The following DMGDH variants were observed in gnomAD, a reference collection of about 807,000 sequenced individuals.
DMGDH encodes the protein dimethylglycine dehydrogenase.
DMGDH carries 76 observed loss-of-function variants against 95.2 expected under a neutral mutation model. The observed-to-expected ratio is 0.80, with a 90% CI of 0.66 to 0.97. The LOEUF is 0.97. DMGDH is among the 50% of genes least tolerant of loss of function. The pLI is 0.00. For synonymous variants in DMGDH, 345 were observed against 377.6 expected, an observed-to-expected ratio of 0.91 and a Z score of 1.00; for missense variants, 987 against 1,055.0, an observed-to-expected ratio of 0.94 and a Z score of 0.89.
intron 2 of DMGDH, among the ~76,000 whole-genome samples, chr5:79,060,773 G>C (rs1755179918): frequency 6.6e-6 from 1 of 151,860 alleles, no homozygotes; most frequent in African/African-American, 2.4e-5. Flanking sequence ...ACAAAAATTA[G>C]CTGGGTGTGG....
chr5:79,016,136 G>T (rs565034687), intron 14 of DMGDH, among the ~76,000 whole-genome samples: 1 of 152,090 alleles, frequency 6.6e-6, no homozygotes, highest in East Asian at 1.9e-4. Context: ...TACTTGGGAG[G>T]CTGAGGCAGG....
At chr5:79,039,031 T>C (rs551845812) in intron 7 of DMGDH, among the ~76,000 whole-genome samples, 27 of 150,874 alleles carry the variant, frequency 1.8e-4, no homozygotes, top group Admixed American at 2.6e-4. Flanking sequence ...CCAGTTAGAA[T>C]GGCAATCATT....
In DMGDH at chr5:79,044,616, A is replaced by G. The variant is rs1241717173; in HGVS notation, c.746-64T>C. 3 of 1,562,818 alleles carry G rather than the reference A, an allele frequency of 1.9e-6. No homozygotes were observed. The African/African-American group carries it at 4.1e-5, about 21-fold the overall frequency. ...ATAAACACATAACTGACACTCATAT[A>G]GCAATTTATATTAGAATAAAATGTT... is the stretch of plus-strand genomic sequence containing the variant. On this transcript the variant is annotated intron_variant, in intron 5 of 15. Coordinates refer to ENST00000255189, the MANE Select transcript of DMGDH (RefSeq NM_013391.3).
At chr5:79,055,958 A>G in intron 2 of DMGDH, 50 bp from the exon 3 acceptor site, 3 of 1,191,766 alleles carry the variant, frequency 2.5e-6, no homozygotes, top group South Asian at 1.2e-5. Flanking sequence ...AACATTCTCA[A>G]AATGTTGACA....
Position 79,029,953 on chromosome 5 carries a change from C to T in DMGDH, c.1765G>A (p.Gly589Arg). The T allele has an allele frequency of 6.2e-7, 1 of 1,614,038 alleles. No individual in the cohort carries two copies. Among genetic ancestry groups the T allele is most frequent in the Non-Finnish European group, 8.5e-7 (1 of 1,179,964 alleles). The change falls in exon 11 of 16, where the codon GGG (glycine) becomes AGG (arginine). Residue 589 changes from glycine to arginine, a missense_variant. By Grantham distance (125) the Gly-to-Arg change is moderately radical. Coordinates refer to ENST00000255189, the MANE Select transcript of DMGDH (RefSeq NM_013391.3). ...GAGCCAGTAATTAAAAGAAACTCCC[C>T]AGGAGATTGGTGAGAAACAGTCAGC... is the stretch of plus-strand genomic sequence containing the variant. ...AELTVSHQSP[G>R]EFLLITGSGS...
At chr5:79,044,696 T>G (rs1754619447) in intron 5 of DMGDH, 144 bp from the exon 6 acceptor site, 2 of 953,460 alleles carry the variant, frequency 2.1e-6, no homozygotes, top group African/African-American at 1.6e-5. Context: ...CAATCTAAAC[T>G]TTTGTCATTG....
intron 2 of DMGDH, among the ~76,000 whole-genome samples, 177 bp downstream of exon 2, chr5:79,063,436 A>T (rs770940772): frequency 1.3e-5 from 2 of 152,194 alleles, no homozygotes; most frequent in Non-Finnish European, 2.9e-5. Context: ...AGATAAAGAC[A>T]TCATAAATAT....
chr5:79,045,900 A>T (rs546971527), intron 5 of DMGDH, among the ~76,000 whole-genome samples: 1 of 152,270 alleles, frequency 6.6e-6, no homozygotes, highest in African/African-American at 2.4e-5. Context: ...TTGTGTGTGT[A>T]AGTTTATTTC....
Position 79,032,753 on chromosome 5 carries a change from A to C in DMGDH, c.1451T>G (p.Met484Arg). 1 of 1,614,158 alleles carries C rather than the reference A, an allele frequency of 6.2e-7. No individual in the cohort carries two copies. The highest frequency in any genetic ancestry group is 8.5e-7 in the Non-Finnish European group (1 of 1,180,020). ...LYQRLESKCSMGFHAGWEQPH... is the reference protein window; with the variant it reads ...LYQRLESKCSRGFHAGWEQPH... The stretch of plus-strand genomic sequence containing the variant: ...CTGCTCCCAGCCAGCATGGAACCCC[A>C]TGGAACACTTAGACTCCAGCCTTTG... The change falls in exon 9 of 16, where the codon ATG becomes AGG. Residue 484 changes from methionine to arginine, a missense_variant. By Grantham distance (91) the Met-to-Arg change is moderately conservative. Coordinates refer to ENST00000255189, the MANE Select transcript of DMGDH (RefSeq NM_013391.3).
chr5:79,056,088 G>C (rs1290344865), intron 2 of DMGDH, among the ~76,000 whole-genome samples, 180 bp from the exon 3 acceptor site: 4 of 152,172 alleles, frequency 2.6e-5, no homozygotes. Flanking sequence ...CTCATGACAG[G>C]TTTTAAGAAG....
At chr5:79,051,099 A>G (rs1162685411) in intron 5 of DMGDH, among the ~76,000 whole-genome samples, 188 bp downstream of exon 5, 2 of 152,210 alleles carry the variant, frequency 1.3e-5, no homozygotes, top group Non-Finnish European at 2.9e-5. Context: ...CCAAGGACAG[A>G]GTGATAGCGC....
At chr5:79,021,011 T>A in intron 14 of DMGDH, 1 of 985,468 alleles carries the variant, frequency 1.0e-6, no homozygotes. Flanking sequence ...AAACAAAGGC[T>A]ACTGATTTTC....
chr5:79,065,734 T>C (rs1755358782), intron 1 of DMGDH, among the ~76,000 whole-genome samples: 1 of 152,254 alleles, frequency 6.6e-6, no homozygotes, highest in Non-Finnish European at 1.5e-5. Context: ...TATAGCTTTA[T>C]GTGACCGGCA....
In DMGDH at chr5:79,044,480, A is replaced by G; in HGVS notation, c.818T>C (p.Val273Ala). The G allele has an allele frequency of 6.2e-7, 1 of 1,614,210 alleles. No individual in the cohort carries two copies. The highest frequency in any genetic ancestry group is 8.5e-7 in the Non-Finnish European group (1 of 1,180,032). Reference protein sequence around the residue: ...HPLIPVQHQYVVTSTISEVKA... With the variant: ...HPLIPVQHQYAVTSTISEVKA... ...CACTTCAGATATAGTCGATGTAACA[A>G]CATATTGATGTTGAACCGGAATGAG... Residue 273 changes from valine (V) to alanine (A), a missense_variant, in exon 6 of 16, where the codon GTT becomes GCT. Val to Ala is a moderately conservative substitution (Grantham distance 64). Transcript: ENST00000255189.
chr5:79,018,181 A>G (rs1753776191), intron 14 of DMGDH, among the ~76,000 whole-genome samples: 2 of 152,132 alleles, frequency 1.3e-5, no homozygotes, highest in Admixed American at 1.3e-4. Context: ...TCAAGTAGCT[A>G]GGACTACAGG....
rs768881435 is a variant in DMGDH, at chr5:79,042,299, C to G, written c.1177G>C (p.Val393Leu). 5.0e-6 allele frequency: 8 copies of G among 1,614,026 alleles called. No individual in the cohort carries two copies. Among genetic ancestry groups the G allele is most frequent in the Non-Finnish European group, 8.5e-7 (1 of 1,179,996 alleles). The part of the protein sequence containing the change: ...GPHQGVRNYW[V>L]AIGFGYGIIH... Reference sequence around the variant, plus strand: ...GATACTTACCCAAAGCCTATAGCCACCCAGTAGTTTCTGACCCCCTGATGG... The same window carrying G: ...GATACTTACCCAAAGCCTATAGCCAGCCAGTAGTTTCTGACCCCCTGATGG... Residue 393 changes from valine (V) to leucine (L), a missense_variant, in exon 7 of 16, where the codon GTG becomes CTG. Val to Leu is a conservative substitution (Grantham distance 32). Coordinates refer to ENST00000255189, the MANE Select transcript of DMGDH (RefSeq NM_013391.3).
At position 79,055,743 on chromosome 5, in the gene DMGDH, C is replaced by A. The variant is rs531895189; in HGVS notation, c.375+67G>T. On this transcript the variant is annotated intron_variant, in intron 3 of 15. Transcript: ENST00000255189. ...GTCATACACAATGATGCATCAAAAT[C>A]CTTCAGAAATCTTACATGTTTCTGA... 3.8e-6 allele frequency: 4 copies of A among 1,066,610 alleles called. No individual in the cohort carries two copies. In the South Asian group the frequency reaches 3.9e-5, roughly 10 times the overall value. The allele number at this position is 1,066,610 out of a possible 1,614,324, so 66.1% of individuals were successfully genotyped here. A position where few individuals can be genotyped will look rare whatever the true frequency, so the allele number is the denominator to read the frequency against.
At chr5:79,044,228 T>C in intron 6 of DMGDH, 76 bp downstream of exon 6, 1 of 1,603,172 alleles carries the variant, frequency 6.2e-7, no homozygotes, top group Non-Finnish European at 8.5e-7. Context: ...TGTCTTATTC[T>C]ACAGCCATCC....
chr5:79,054,535 C>G (rs1352292481), intron 3 of DMGDH, among the ~76,000 whole-genome samples, 187 bp from the exon 4 acceptor site: 1 of 152,172 alleles, frequency 6.6e-6, no homozygotes, highest in Non-Finnish European at 1.5e-5. Context: ...TTACTAAGTG[C>G]CTGTTCGGAG....
Sources: allele counts gnomAD v4.1 joint callset (sites outside exome capture counted in the v4.1 genomes callset), GRCh38; gene constraint gnomAD v4.1.1; transcripts MANE v1.5; gene names NCBI Gene and HGNC (gene_info 2026-07-23, HGNC 2026-07-21).